Variants in NRXN3 observed in about 807,000 individuals in gnomAD.
NRXN3 encodes the protein neurexin 3.
In NRXN3, 32 loss-of-function variants were observed where a neutral mutation model predicts 137.6. The ratio of observed to expected loss-of-function variants is 0.23; its 90% CI spans 0.18 to 0.31. The LOEUF is 0.31. Ranked by LOEUF, NRXN3 falls within the 10% of genes least tolerant of loss-of-function variation. The probability of loss-of-function intolerance (pLI) is 1.00; values close to 1 mark genes in which losing one functional copy is unlikely to be tolerated. For synonymous variants in NRXN3, 798 were observed against 784.5 expected (o/e 1.02, Z -0.29); for missense variants, 1,574 against 2,062.5 (o/e 0.76, Z 4.59).
intron 16 of NRXN3, among the ~76,000 whole-genome samples, chr14:79,539,511 T>C (rs2097251982): frequency 6.6e-6 from 1 of 152,198 alleles, no homozygotes; most frequent in South Asian, 2.1e-4. Context: ...AAATAGATGT[T>C]ATAAAAAGTA....
Position 79,049,086 on chromosome 14 carries a change from A to ATAATAAT in NRXN3, c.3262+60946_3262+60952dup, listed in dbSNP as rs1555693970. ...AAAAAAAAAAAAAATAATAATAATA[A>ATAATAAT]TAATAATAATATGATGGGGTGTGCT... On this transcript the variant is annotated intron_variant, in intron 15 of 20. Transcript: ENST00000335750. 8.6e-4 allele frequency among the ~76,000 whole-genome samples: 57 copies of ATAATAAT among 66,246 alleles called. 3 individuals carry two copies. Among genetic ancestry groups the ATAATAAT allele is most frequent in the African/African-American group, 2.8e-3 (47 of 16,518 alleles). The allele number at this position is 66,246 out of a possible 152,430, so 43.5% of individuals were successfully genotyped here.
At chr14:78,764,462 C>T (rs2098702230) in intron 8 of NRXN3, among the ~76,000 whole-genome samples, 1 of 152,164 alleles carries the variant, frequency 6.6e-6, no homozygotes, top group Non-Finnish European at 1.5e-5. Context: ...CCCTCACTTT[C>T]CTTTCCCGTT....
At chr14:78,953,398 T>A (rs1189141882) in intron 10 of NRXN3, among the ~76,000 whole-genome samples, 1 of 152,236 alleles carries the variant, frequency 6.6e-6, no homozygotes, top group Non-Finnish European at 1.5e-5. Flanking sequence ...GTGTATTTCA[T>A]CCATGATATC....
At chr14:78,989,066 G>A (rs1454811889) in intron 15 of NRXN3, among the ~76,000 whole-genome samples, 2 of 152,122 alleles carry the variant, frequency 1.3e-5, no homozygotes. Flanking sequence ...TGAAATTTCT[G>A]AATAACCGTG....
chr14:78,716,289 A>C (rs1352965114), intron 8 of NRXN3, among the ~76,000 whole-genome samples: 1 of 152,246 alleles, frequency 6.6e-6, no homozygotes, highest in African/African-American at 2.4e-5. Context: ...TTATATGCCA[A>C]GCACACAGAA....
intron 4 of NRXN3, among the ~76,000 whole-genome samples, chr14:78,564,380 AT>A (rs916173215): frequency 6.6e-6 from 1 of 152,176 alleles, no homozygotes; most frequent in African/African-American, 2.4e-5. Context: ...CAGAATGTCT[AT>A]TTAACTATCT....
intron 16 of NRXN3, among the ~76,000 whole-genome samples, chr14:79,501,163 T>G (rs61995170): frequency 0.32 from 49,071 of 151,936 alleles, 8,282 homozygotes; most frequent in Middle Eastern, 0.38. Flanking sequence ...ATGAATAATA[T>G]TCAATGAATT....
At chr14:79,262,177 G>C (rs2077708492) in intron 15 of NRXN3, among the ~76,000 whole-genome samples, 1 of 152,004 alleles carries the variant, frequency 6.6e-6, no homozygotes, top group Non-Finnish European at 1.5e-5. Context: ...ATTCTCTTGG[G>C]CCCCTCCTGC....
At chr14:79,237,595 T>G (rs2073613840) in intron 15 of NRXN3, among the ~76,000 whole-genome samples, 1 of 152,090 alleles carries the variant, frequency 6.6e-6, no homozygotes, top group Non-Finnish European at 1.5e-5. Context: ...ACACTGGGCC[T>G]TTTCTCCTTT....
At chr14:78,293,030 A>G (rs2075965156) in intron 3 of NRXN3, among the ~76,000 whole-genome samples, 1 of 152,152 alleles carries the variant, frequency 6.6e-6, no homozygotes, top group African/African-American at 2.4e-5. Flanking sequence ...CTTTGTTGCT[A>G]ATTATATCCT....
At chr14:78,318,797 A>T (rs1182451629) in intron 4 of NRXN3, among the ~76,000 whole-genome samples, 5 of 152,140 alleles carry the variant, frequency 3.3e-5, no homozygotes, top group Non-Finnish European at 4.4e-5. Context: ...GGTTCTTCAA[A>T]CCAAATACCA....
chr14:79,647,814 A>G (rs2098459009), intron 16 of NRXN3, among the ~76,000 whole-genome samples: 1 of 135,622 alleles, frequency 7.4e-6, no homozygotes, highest in East Asian at 2.0e-4. Flanking sequence ...AGATGCCTGC[A>G]TATGTTGTTT....
intron 15 of NRXN3, among the ~76,000 whole-genome samples, chr14:79,171,377 T>G (rs1160288644): frequency 1.3e-5 from 2 of 152,152 alleles, no homozygotes; most frequent in African/African-American, 4.8e-5. Flanking sequence ...TAAGAGTACG[T>G]GTATACAGTA....
At chr14:79,726,421 A>T (rs1438949275) in intron 19 of NRXN3, among the ~76,000 whole-genome samples, 1 of 151,722 alleles carries the variant, frequency 6.6e-6, no homozygotes, top group African/African-American at 2.4e-5. Flanking sequence ...GGCTAGCAGA[A>T]TTTTTTTTTA....
chr14:78,945,447 C>T (rs974056838), intron 10 of NRXN3, among the ~76,000 whole-genome samples: 18 of 152,106 alleles, frequency 1.2e-4, no homozygotes, highest in Non-Finnish European at 2.1e-4. Flanking sequence ...TTATCCTGTA[C>T]GGCCTGTGGA....
intron 16 of NRXN3, among the ~76,000 whole-genome samples, chr14:79,481,500 A>T (rs1224541880): frequency 6.6e-6 from 1 of 152,218 alleles, no homozygotes; most frequent in Non-Finnish European, 1.5e-5. Flanking sequence ...AAACCTGCAC[A>T]GCGTGTTCCT....
intron 15 of NRXN3, among the ~76,000 whole-genome samples, chr14:79,285,490 G>C (rs961431411): frequency 1.4e-4 from 21 of 152,158 alleles, no homozygotes; most frequent in Non-Finnish European, 3.1e-4. Flanking sequence ...AGAGAAATTT[G>C]TTTGCTCAAG....
At chr14:78,623,554 AT>A (rs1254858469) in intron 4 of NRXN3, among the ~76,000 whole-genome samples, 1 of 152,094 alleles carries the variant, frequency 6.6e-6, no homozygotes, top group Non-Finnish European at 1.5e-5. Flanking sequence ...AGCAGATGCC[AT>A]TCATTTATTT....
intron 15 of NRXN3, among the ~76,000 whole-genome samples, chr14:79,009,583 A>T (rs2099567544): frequency 6.6e-6 from 1 of 152,170 alleles, no homozygotes; most frequent in African/African-American, 2.4e-5. Flanking sequence ...CAGAGCAAGG[A>T]TCATCCATCA....
Sources: gnomAD v4.1 joint callset for allele counts (sites outside exome capture counted in the v4.1 genomes callset) on GRCh38, gnomAD v4.1.1 for gene constraint, MANE v1.5 for transcripts, NCBI Gene and HGNC (gene_info 2026-07-23, HGNC 2026-07-21) for gene names.